Variants in HDAC9 observed in about 807,000 individuals in gnomAD.
HDAC9 encodes the protein MEF-2 interacting transcription repressor (MITR) protein.
Under a neutral mutation model 139.4 loss-of-function variants are expected in HDAC9, and 41 were observed. That is an observed-to-expected ratio of 0.29 (90% CI 0.23 to 0.38). HDAC9 has a LOEUF of 0.38. Among genes scored for constraint, HDAC9 ranks in the 10% least tolerant of loss-of-function variants. The probability of loss-of-function intolerance (pLI) is 1.00; values close to 1 mark genes in which losing one functional copy is unlikely to be tolerated. For synonymous variants in HDAC9, 517 were observed against 476.2 expected (o/e 1.09, Z -1.12); for missense variants, 1,147 against 1,297.0 (o/e 0.88, Z 1.78).
intron 24 of HDAC9, among the ~76,000 whole-genome samples, chr7:18,962,702 C>G (rs1038122839): frequency 2.0e-5 from 3 of 152,176 alleles, no homozygotes; most frequent in Non-Finnish European, 4.4e-5. Context: ...CTCACACATA[C>G]ACATGATACC....
At chr7:18,501,238 A>G (rs542584212) in intron 2 of HDAC9, among the ~76,000 whole-genome samples, 54 of 152,222 alleles carry the variant, frequency 3.5e-4, no homozygotes, top group African/African-American at 1.3e-3. Context: ...AGGGCAGAAA[A>G]CAGATATTAT....
At chr7:18,431,900 G>A (rs565580250) in intron 1 of HDAC9, among the ~76,000 whole-genome samples, 45 of 152,286 alleles carry the variant, frequency 3.0e-4, no homozygotes, top group African/African-American at 1.1e-3. Context: ...ACTGTGTTGA[G>A]TACTATTTTC....
chr7:18,157,849 G>GAGAGAC (rs1329240003), intron 1 of HDAC9, among the ~76,000 whole-genome samples: 1 of 144,370 alleles, frequency 6.9e-6, no homozygotes, highest in African/African-American at 2.6e-5. Context: ...GAGAGAGAGA[G>GAGAGAC]AGACTGAGGA....
intron 1 of HDAC9, among the ~76,000 whole-genome samples, chr7:18,130,215 G>A (rs1206259765): frequency 2.0e-5 from 3 of 152,118 alleles, no homozygotes; most frequent in South Asian, 2.1e-4. Context: ...GCATCATGTC[G>A]GTGCTCAAAA....
At chr7:18,438,981 ATG>A (rs1241526911) in intron 1 of HDAC9, among the ~76,000 whole-genome samples, 1 of 152,204 alleles carries the variant, frequency 6.6e-6, no homozygotes, top group African/African-American at 2.4e-5. Context: ...GTACAAAACA[ATG>A]TGTGTGCATA....
intron 2 of HDAC9, among the ~76,000 whole-genome samples, chr7:18,237,536 G>A (rs1584781359): frequency 6.6e-6 from 1 of 152,236 alleles, no homozygotes; most frequent in Non-Finnish European, 1.5e-5. Flanking sequence ...TGAGTATGGA[G>A]GCTCATGGGA....
At chr7:18,898,924 C>A (rs761267152) in intron 22 of HDAC9, among the ~76,000 whole-genome samples, 1 of 151,844 alleles carries the variant, frequency 6.6e-6, no homozygotes, top group Non-Finnish European at 1.5e-5. Flanking sequence ...AATACTAACT[C>A]ATAAAAATAT....
intron 22 of HDAC9, among the ~76,000 whole-genome samples, chr7:18,893,127 C>G (rs757062349): frequency 3.2e-4 from 48 of 150,054 alleles, no homozygotes; most frequent in Middle Eastern, 3.5e-3. Flanking sequence ...ACCTTCATAT[C>G]TAGAGCTCTC....
chr7:18,253,424 T>A (rs1795049641), intron 2 of HDAC9, among the ~76,000 whole-genome samples: 1 of 152,224 alleles, frequency 6.6e-6, no homozygotes, highest in South Asian at 2.1e-4. Context: ...TGTTATTTTT[T>A]AACTTTTTAT....
At position 18,714,134 on chromosome 7, in the gene HDAC9, G is replaced by A. The variant is rs187718788; in HGVS notation, c.1732-13446G>A. ...AGTTCAAATAAAGTTTTCCTAATTT[G>A]CATCTTTGTAAAGTGGTAGAGCTGG... On this transcript the variant is annotated intron_variant, in intron 12 of 25. Coordinates refer to ENST00000686413, the MANE Select transcript of HDAC9 (RefSeq NM_178425.4). 2.6e-4 allele frequency among the ~76,000 whole-genome samples: 40 copies of A among 152,212 alleles called. 1 individual carries two copies. Among genetic ancestry groups the A allele is most frequent in the African/African-American group, 9.1e-4 (38 of 41,550 alleles).
chr7:18,173,208 G>C (rs749450347), intron 2 of HDAC9, among the ~76,000 whole-genome samples: 1 of 151,984 alleles, frequency 6.6e-6, no homozygotes, highest in Non-Finnish European at 1.5e-5. Context: ...TTATGTAATG[G>C]CCTGCTTTGT....
chr7:18,442,395 A>C (rs1791869417), intron 1 of HDAC9, among the ~76,000 whole-genome samples: 1 of 152,186 alleles, frequency 6.6e-6, no homozygotes, highest in Non-Finnish European at 1.5e-5. Context: ...AGAAGTGACC[A>C]AATATTTATT....
intron 21 of HDAC9, among the ~76,000 whole-genome samples, chr7:18,865,289 A>C (rs1159248610): frequency 6.6e-6 from 1 of 152,156 alleles, no homozygotes; most frequent in Non-Finnish European, 1.5e-5. Flanking sequence ...TATATTTTGA[A>C]AGTTTGACAA....
At chr7:18,921,385 G>T (rs1208587005) in intron 22 of HDAC9, among the ~76,000 whole-genome samples, 2 of 151,728 alleles carry the variant, frequency 1.3e-5, no homozygotes, top group South Asian at 2.1e-4. Context: ...AAATTTACAA[G>T]AAAAAAACAA....
chr7:18,372,354 C>G (rs1297930716), intron 1 of HDAC9, among the ~76,000 whole-genome samples: 1 of 152,212 alleles, frequency 6.6e-6, no homozygotes, highest in Admixed American at 6.5e-5. Flanking sequence ...CCCTGCTGAT[C>G]TACCAAGAGC....
Position 18,332,434 on chromosome 7 carries a change from A to G in HDAC9, c.-42+41919A>G, listed in dbSNP as rs184796848. 3.8e-3 allele frequency among the ~76,000 whole-genome samples: 583 copies of G among 151,518 alleles called. 3 individuals carry two copies. The highest frequency in any genetic ancestry group is 0.014 in the African/African-American group (567 of 41,416). Reference sequence around the variant, plus strand: ...GAGATTTTTACTTTAAAAAATTCTCATCACTTAAGCTTGACTGTTGCTTTT... The same window carrying G: ...GAGATTTTTACTTTAAAAAATTCTCGTCACTTAAGCTTGACTGTTGCTTTT... On this transcript the variant is annotated intron_variant, in intron 1 of 3. Transcript: ENST00000413509.
chr7:18,210,530 A>AC (rs1359571781), intron 2 of HDAC9, among the ~76,000 whole-genome samples: 1 of 152,212 alleles, frequency 6.6e-6, no homozygotes, highest in Non-Finnish European at 1.5e-5. Context: ...TGAGTCACTT[A>AC]CCAAGCCTAT....
intron 1 of HDAC9, among the ~76,000 whole-genome samples, chr7:18,340,443 T>C (rs1781918297): frequency 6.6e-6 from 1 of 151,602 alleles, no homozygotes; most frequent in South Asian, 2.1e-4. Context: ...TTGTTCCCTT[T>C]TTACTTTTGT....
intron 1 of HDAC9, among the ~76,000 whole-genome samples, chr7:18,306,262 A>C (rs1056154290): frequency 4.6e-5 from 7 of 152,184 alleles, no homozygotes; most frequent in African/African-American, 1.7e-4. Flanking sequence ...GGTAGGACTC[A>C]GACTATGGGT....
Sources: allele counts gnomAD v4.1 joint callset (sites outside exome capture counted in the v4.1 genomes callset), GRCh38; gene constraint gnomAD v4.1.1; transcripts MANE v1.5; gene names NCBI Gene and HGNC (gene_info 2026-07-23, HGNC 2026-07-21).